Variants in LRMDA observed in about 807,000 individuals in gnomAD.
LRMDA encodes the protein leucine rich melanocyte differentiation associated, also known as leucine-rich melanocyte differentiation-associated protein.
A neutral mutation model predicts 29.8 loss-of-function variants in LRMDA; 18 were observed. The ratio of observed to expected loss-of-function variants is 0.60; its 90% CI spans 0.42 to 0.90. LRMDA has a LOEUF of 0.90. Ranked by LOEUF, LRMDA falls within the 40% of genes least tolerant of loss-of-function variation. The pLI, the probability that LRMDA is intolerant of heterozygous loss-of-function variation, is 0.00. For missense variants in LRMDA, 273 were observed against 273.9 expected (o/e 1.00, Z 0.02); for synonymous variants, 125 against 109.4 (o/e 1.14, Z -0.89).
chr10:76,463,851 C>G (rs535435571), intron 6 of LRMDA, among the ~76,000 whole-genome samples: 230 of 151,804 alleles, frequency 1.5e-3, no homozygotes, highest in Non-Finnish European at 2.9e-3. Context: ...TCTTATCTAA[C>G]TTGTGCAGAG....
At chr10:76,114,307 A>G (rs1023726923) in intron 5 of LRMDA, among the ~76,000 whole-genome samples, 1 of 152,250 alleles carries the variant, frequency 6.6e-6, no homozygotes, top group Non-Finnish European at 1.5e-5. Flanking sequence ...TGTGTAATGA[A>G]AGATAGTGTT....
chr10:76,332,895 A>G (rs1270404320), intron 6 of LRMDA, among the ~76,000 whole-genome samples: 1 of 152,186 alleles, frequency 6.6e-6, no homozygotes, highest in African/African-American at 2.4e-5. Context: ...TTATGGTTTG[A>G]TTGAGGAGAT....
intron 2 of LRMDA, among the ~76,000 whole-genome samples, chr10:75,780,630 A>C (rs1843369940): frequency 6.6e-6 from 1 of 152,134 alleles, no homozygotes; most frequent in African/African-American, 2.4e-5. Flanking sequence ...GCAAGAACCC[A>C]CCCCAACAGA....
intron 6 of LRMDA, among the ~76,000 whole-genome samples, chr10:76,454,187 A>G (rs1352226649): frequency 1.3e-5 from 2 of 152,220 alleles, no homozygotes; most frequent in Non-Finnish European, 2.9e-5. Flanking sequence ...GGTCTGGTAC[A>G]CATAAATAGT....
At chr10:75,733,506 C>A (rs1842724130) in intron 2 of LRMDA, among the ~76,000 whole-genome samples, 1 of 152,262 alleles carries the variant, frequency 6.6e-6, no homozygotes, top group Admixed American at 6.5e-5. Context: ...AGCAAACTCT[C>A]TGGCCTTTCT....
chr10:75,431,651 C>T lies in LRMDA; in HGVS notation c.-74C>T. 4.1e-6 allele frequency: 5 copies of T among 1,206,646 alleles called. No individual in the cohort carries two copies. Among genetic ancestry groups the T allele is most frequent in the Non-Finnish European group, 5.2e-6 (5 of 970,410 alleles). The allele number at this position is 1,206,646 out of a possible 1,614,324, so 74.7% of individuals were successfully genotyped here. A position where few individuals can be genotyped will look rare whatever the true frequency, so the allele number is the denominator to read the frequency against. Reference sequence around the variant, plus strand: ...TGCGGAACTGTGCGCCCGCCGCGCTCCCCTGCCGCGCTCCCCGCTGCTGCC... The same window carrying T: ...TGCGGAACTGTGCGCCCGCCGCGCTTCCCTGCCGCGCTCCCCGCTGCTGCC... On this transcript the variant is annotated 5_prime_UTR_variant, in exon 1 of 7. Coordinates refer to ENST00000611255, the MANE Select transcript of LRMDA (RefSeq NM_001305581.2).
chr10:76,124,970 A>G (rs889437905), intron 5 of LRMDA, among the ~76,000 whole-genome samples: 2 of 152,222 alleles, frequency 1.3e-5, no homozygotes, highest in African/African-American at 4.8e-5. Context: ...TGTGTGCTAT[A>G]ATCATTATTA....
At chr10:76,325,603 A>G (rs1412916314) in intron 6 of LRMDA, among the ~76,000 whole-genome samples, 2 of 152,128 alleles carry the variant, frequency 1.3e-5, no homozygotes, top group Non-Finnish European at 2.9e-5. Flanking sequence ...CCACATCTAG[A>G]TGGAGCAACA....
At chr10:75,759,162 A>G (rs985676554) in intron 2 of LRMDA, among the ~76,000 whole-genome samples, 1 of 152,206 alleles carries the variant, frequency 6.6e-6, no homozygotes, top group Non-Finnish European at 1.5e-5. Context: ...CAAATTCCGT[A>G]CATGGATACA....
intron 6 of LRMDA, among the ~76,000 whole-genome samples, chr10:76,550,460 G>A (rs566675076): frequency 2.2e-4 from 33 of 152,198 alleles, no homozygotes; most frequent in African/African-American, 7.0e-4. Flanking sequence ...CAAGGACAGT[G>A]TGCAGTATCC....
Position 75,778,460 on chromosome 10 carries a change from C to T in LRMDA, c.132-257548C>T, listed in dbSNP as rs61180557. Among the ~76,000 whole-genome samples the T allele has an allele frequency of 8.7e-3, 1,320 of 152,194 alleles. 21 individuals are homozygous for T. The highest frequency in any genetic ancestry group is 0.031 in the African/African-American group (1,267 of 41,498). ...TATTCCTAGCTCACTGATACTTGCCCGTTAATTGTGAACATCCATGTTATT... is the reference window on the plus strand; with the variant it reads ...TATTCCTAGCTCACTGATACTTGCCTGTTAATTGTGAACATCCATGTTATT... On this transcript the variant is annotated intron_variant, in intron 2 of 6. Transcript: ENST00000611255.
At chr10:76,140,567 C>A (rs1282876020) in intron 5 of LRMDA, among the ~76,000 whole-genome samples, 2 of 152,032 alleles carry the variant, frequency 1.3e-5, no homozygotes. Context: ...GAAAACAGTA[C>A]CCCAAAGGAT....
chr10:75,436,059 A>T (rs1323061814), intron 1 of LRMDA, among the ~76,000 whole-genome samples: 1 of 124,784 alleles, frequency 8.0e-6, no homozygotes, highest in African/African-American at 3.1e-5. Context: ...ATCTCTTTAA[A>T]AAAAAAAAAA....
intron 5 of LRMDA, among the ~76,000 whole-genome samples, chr10:76,090,287 G>A (rs1289738202): frequency 2.6e-5 from 4 of 152,180 alleles, no homozygotes; most frequent in African/African-American, 7.2e-5. Flanking sequence ...GGCAGCTGCC[G>A]TGAAGCCAGT....
intron 6 of LRMDA, among the ~76,000 whole-genome samples, chr10:76,473,609 G>A: frequency 8.8e-6 from 1 of 114,106 alleles, no homozygotes; most frequent in African/African-American, 3.1e-5. Flanking sequence ...GAAATTCTAA[G>A]GATTCTGCTA....
chr10:76,396,512 G>A (rs1479007365), intron 6 of LRMDA: 1 of 152,218 alleles, frequency 6.6e-6, no homozygotes, highest in African/African-American at 2.4e-5. Flanking sequence ...GAACCTGCAG[G>A]AATGTCAGCT....
At chr10:75,706,617 T>A (rs1054427013) in intron 2 of LRMDA, among the ~76,000 whole-genome samples, 1 of 152,066 alleles carries the variant, frequency 6.6e-6, no homozygotes, top group African/African-American at 2.4e-5. Flanking sequence ...TGGTGAGCAA[T>A]GAACAGAATG....
At chr10:75,652,521 G>A (rs537843589) in intron 2 of LRMDA, among the ~76,000 whole-genome samples, 1 of 152,262 alleles carries the variant, frequency 6.6e-6, no homozygotes, top group Non-Finnish European at 1.5e-5. Context: ...CTTTAAACTT[G>A]TCTGTGAATA....
intron 2 of LRMDA, among the ~76,000 whole-genome samples, chr10:75,570,361 G>T (rs781148925): frequency 6.6e-6 from 1 of 152,168 alleles, no homozygotes; most frequent in Non-Finnish European, 1.5e-5. Flanking sequence ...TGGACCTGGG[G>T]ATACAGTGGT....
Sources: allele counts gnomAD v4.1 joint callset (sites outside exome capture counted in the v4.1 genomes callset), GRCh38; gene constraint gnomAD v4.1.1; transcripts MANE v1.5; gene names NCBI Gene and HGNC (gene_info 2026-07-23, HGNC 2026-07-21).